HSD17B4: variants seen among roughly 807,000 people sequenced by gnomAD.
The protein encoded by HSD17B4 is hydroxysteroid 17-beta dehydrogenase 4.
In HSD17B4, 70 loss-of-function variants were observed where a neutral mutation model predicts 101.0. The ratio of observed to expected loss-of-function variants is 0.69; its 90% CI spans 0.57 to 0.85. The LOEUF is 0.85. Among genes scored for constraint, HSD17B4 ranks in the 40% least tolerant of loss-of-function variants. HSD17B4 has a pLI of 0.00. For synonymous variants in HSD17B4, 347 were observed against 297.1 expected (o/e 1.17, Z -1.73); for missense variants, 984 against 892.4 (o/e 1.10, Z -1.31).
intron 2 of HSD17B4, among the ~76,000 whole-genome samples, chr5:119,469,228 T>C (rs1756114157): frequency 6.6e-6 from 1 of 152,074 alleles, no homozygotes; most frequent in Non-Finnish European, 1.5e-5. Context: ...TCGTAGATTT[T>C]CTTCTATTTA....
chr5:119,468,698 A>C (rs142222506), intron 2 of HSD17B4, among the ~76,000 whole-genome samples: 1 of 151,978 alleles, frequency 6.6e-6, no homozygotes, highest in Admixed American at 6.6e-5. Flanking sequence ...AATGTTTTCT[A>C]TGCCCAACTT....
In HSD17B4 at chr5:119,515,132, C is replaced by A. The variant is rs534968534; in HGVS notation, c.1503+86C>A. ...AGCTCTGATACCTTATAACATTATG[C>A]ATCTAATGCATAATGAATAATATGT... is the stretch of plus-strand genomic sequence containing the variant. On this transcript the variant is annotated intron_variant, in intron 17 of 23. Coordinates refer to ENST00000510025, the MANE Select transcript of HSD17B4 (RefSeq NM_000414.4). 4.1e-5 allele frequency: 32 copies of A among 783,846 alleles called. No individual in the cohort carries two copies. In the African/African-American group the frequency reaches 5.2e-4, roughly 13 times the overall value. The allele number at this position is 783,846 out of a possible 1,614,324, so 48.6% of individuals were successfully genotyped here.
intron 14 of HSD17B4, among the ~76,000 whole-genome samples, chr5:119,502,822 G>C (rs994531552): frequency 6.6e-6 from 1 of 152,036 alleles, no homozygotes; most frequent in African/African-American, 2.4e-5. Context: ...TTTATTGCTT[G>C]AAGCTGAATA....
At position 119,495,126 on chromosome 5, in the gene HSD17B4, C is replaced by A. The variant is rs188242818; in HGVS notation, c.868+1180C>A. On this transcript the variant is annotated intron_variant, in intron 11 of 23. Coordinates refer to ENST00000510025, the MANE Select transcript of HSD17B4 (RefSeq NM_000414.4). ...ATGCTTATTCTCAATCAGATGATAA[C>A]ATGATTGTTATGTCATAAATGGTTA... is the stretch of plus-strand genomic sequence containing the variant. 3.0e-3 allele frequency among the ~76,000 whole-genome samples: 452 copies of A among 151,564 alleles called. 1 individual carries two copies. The highest frequency in any genetic ancestry group is 0.011 in the African/African-American group (435 of 41,324).
At chr5:119,459,510 T>G (rs1471689213) in intron 2 of HSD17B4, among the ~76,000 whole-genome samples, 1 of 152,232 alleles carries the variant, frequency 6.6e-6, no homozygotes, top group African/African-American at 2.4e-5. Context: ...CTCTGTGTCT[T>G]AGTCTGTTTT....
rs755509150 is a variant in HSD17B4 at position 119,527,184 on chromosome 5, T to C, written c.1732T>C (p.Trp578Arg). The change falls in exon 20 of 24, where the codon TGG (tryptophan) becomes CGG (arginine). Residue 578 changes from tryptophan to arginine, a missense_variant. Transcript: ENST00000510025. ...AGGACAAACTCTACAAACTGAGATGTGGAAGGAAGGAAACAGAATTCATTT... is the reference window on the plus strand; with the variant it reads ...AGGACAAACTCTACAAACTGAGATGCGGAAGGAAGGAAACAGAATTCATTT... ...YPGQTLQTEM[W>R]KEGNRIHFQT... 9 of 1,610,246 alleles carry C rather than the reference T, an allele frequency of 5.6e-6. No homozygotes were observed. In the South Asian group the frequency reaches 9.9e-5, roughly 18 times the overall value.
At chr5:119,509,494 A>G in intron 16 of HSD17B4, 1 of 631,654 alleles carries the variant, frequency 1.6e-6, no homozygotes, top group Admixed American at 2.2e-5. Context: ...CTTACTGAAT[A>G]GTAAATATTC....
At chr5:119,519,283 G>T (rs1275517989) in intron 17 of HSD17B4, among the ~76,000 whole-genome samples, 2 of 152,154 alleles carry the variant, frequency 1.3e-5, no homozygotes, top group African/African-American at 4.8e-5. Flanking sequence ...CTTTGTATTT[G>T]AGGAAAATGA....
chr5:119,537,472 C>T (rs933678224), intron 23 of HSD17B4, among the ~76,000 whole-genome samples: 2 of 151,912 alleles, frequency 1.3e-5, no homozygotes, highest in African/African-American at 4.8e-5. Context: ...TGCAGTGAAC[C>T]CTCTGTTAAT....
At chr5:119,488,779 G>A (rs1749831616) in intron 8 of HSD17B4, among the ~76,000 whole-genome samples, 1 of 152,084 alleles carries the variant, frequency 6.6e-6, no homozygotes, top group African/African-American at 2.4e-5. Context: ...ATCATTATTT[G>A]CCACTGTAAT....
intron 8 of HSD17B4, among the ~76,000 whole-genome samples, chr5:119,483,686 A>G (rs80224139): frequency 0.014 from 2,163 of 152,252 alleles, 23 homozygotes; most frequent in Middle Eastern, 0.027. Flanking sequence ...AACTGTTTGT[A>G]CCCATCGTTC....
intron 10 of HSD17B4, 194 bp from the exon 11 acceptor site, chr5:119,493,624 T>C: frequency 1.8e-6 from 1 of 540,708 alleles, no homozygotes; most frequent in Non-Finnish European, 3.3e-6. Context: ...CTTCAAATGT[T>C]TCTTTAAATT....
intron 8 of HSD17B4, 110 bp downstream of exon 8, chr5:119,479,131 A>C: frequency 3.5e-6 from 3 of 847,640 alleles, no homozygotes; most frequent in Non-Finnish European, 5.7e-6. Flanking sequence ...TATTTTTTTC[A>C]ATTTCGAAAG....
intron 20 of HSD17B4, 21 bp from the exon 21 acceptor site, chr5:119,529,873 T>G (rs1425132496): frequency 7.1e-7 from 1 of 1,410,554 alleles, no homozygotes; most frequent in Non-Finnish European, 1.0e-6. Flanking sequence ...ATAAATCTTT[T>G]TTTTTTCTTC....
chr5:119,507,669 G>A (rs1263558629), intron 15 of HSD17B4, among the ~76,000 whole-genome samples: 1 of 151,202 alleles, frequency 6.6e-6, no homozygotes, highest in Non-Finnish European at 1.5e-5. Context: ...CTGTAGTCCC[G>A]GCTACTTGGG....
chr5:119,512,009 T>C lies in HSD17B4; in HGVS notation c.1437+2765T>C, dbSNP rs189183703. Among the ~76,000 whole-genome samples the C allele has an allele frequency of 1.4e-4, 21 of 152,252 alleles. No individual in the cohort carries two copies. In the East Asian group the frequency reaches 3.7e-3, roughly 27 times the overall value. ...CCATGCTTAAATGTTACTAAATATA[T>C]ATAAATTATTACAAAGACTCAAATA... is the stretch of plus-strand genomic sequence containing the variant. On this transcript the variant is annotated intron_variant, in intron 16 of 23. Coordinates refer to ENST00000510025, the MANE Select transcript of HSD17B4 (RefSeq NM_000414.4).
At position 119,473,949 on chromosome 5, in the gene HSD17B4, T is replaced by G; in HGVS notation, c.154T>G (p.Ser52Ala). The G allele has an allele frequency of 6.2e-7, 1 of 1,612,702 alleles. No homozygotes were observed. The highest frequency in any genetic ancestry group is 1.1e-5 in the South Asian group (1 of 91,032). The change falls in exon 3 of 24, where the codon TCC becomes GCC. Residue 52 changes from serine to alanine, a missense_variant. Ser to Ala is a moderately conservative substitution (Grantham distance 99, BLOSUM62 1). Coordinates refer to ENST00000510025, the MANE Select transcript of HSD17B4 (RefSeq NM_000414.4). ...GGDFKGVGKG[S>A]LAADKVVEEI... Reference sequence around the variant, plus strand: ...GGACTTCAAAGGAGTTGGTAAAGGCTCCTTAGCTGCTGATAAGGTTGTTGA... The same window carrying G: ...GGACTTCAAAGGAGTTGGTAAAGGCGCCTTAGCTGCTGATAAGGTTGTTGA...
At chr5:119,474,148 C>T (rs1206313864) in intron 3 of HSD17B4, 133 bp downstream of exon 3, 26 of 695,304 alleles carry the variant, frequency 3.7e-5, no homozygotes, top group Non-Finnish European at 2.6e-6. Flanking sequence ...AGTTTTCTGA[C>T]TACATATTTT....
intron 16 of HSD17B4, among the ~76,000 whole-genome samples, chr5:119,510,411 A>G (rs941142999): frequency 3.3e-5 from 5 of 152,222 alleles, no homozygotes; most frequent in Non-Finnish European, 7.3e-5. Context: ...AAAATATTTA[A>G]TTTGGATTTC....
Sources: gnomAD v4.1 joint callset for allele counts (sites outside exome capture counted in the v4.1 genomes callset) on GRCh38, gnomAD v4.1.1 for gene constraint, MANE v1.5 for transcripts, NCBI Gene and HGNC (gene_info 2026-07-23, HGNC 2026-07-21) for gene names.